RNLS: variants seen among roughly 807,000 people sequenced by gnomAD.
The protein encoded by RNLS is renalase.
RNLS carries 39 observed loss-of-function variants against 39.8 expected under a neutral mutation model. The ratio of observed to expected loss-of-function variants is 0.98; its 90% CI spans 0.76 to 1.28. The LOEUF is 1.28. Among genes scored for constraint, RNLS ranks in the 50% most tolerant of loss-of-function variants. The probability of loss-of-function intolerance (pLI) is 0.00; values close to 1 mark genes in which losing one functional copy is unlikely to be tolerated. For missense variants in RNLS, 410 were observed against 413.3 expected, an observed-to-expected ratio of 0.99 and a Z score of 0.07; for synonymous variants, 147 against 150.7, an observed-to-expected ratio of 0.98 and a Z score of 0.18.
chr10:88,419,865 C>G (rs1277926551), intron 4 of RNLS, among the ~76,000 whole-genome samples: 1 of 151,904 alleles, frequency 6.6e-6, no homozygotes, highest in Admixed American at 6.6e-5. Flanking sequence ...AAAAAATTAG[C>G]CATGCATGGT....
the RNLS span, among the ~76,000 whole-genome samples, chr10:88,215,648 CCATT>C: frequency 2.0e-5 from 3 of 151,114 alleles, no homozygotes; most frequent in African/African-American, 7.3e-5. Context: ...CACATTTAGA[CCATT>C]CATTATCTGT....
chr10:88,578,248 C>A (rs1437396819), intron 3 of RNLS, among the ~76,000 whole-genome samples: 2 of 152,020 alleles, frequency 1.3e-5, no homozygotes, highest in Non-Finnish European at 2.9e-5. Context: ...CTCATTTTTG[C>A]ATTTCATTAC....
chr10:88,179,747 C>T, the RNLS span, among the ~76,000 whole-genome samples: 871 of 152,286 alleles, frequency 5.7e-3, 9 homozygotes, highest in African/African-American at 0.019. Flanking sequence ...CTCTAAGGTG[C>T]CCCACCAGTC....
At chr10:88,509,986 T>C (rs535667199) in intron 4 of RNLS, among the ~76,000 whole-genome samples, 1 of 152,340 alleles carries the variant, frequency 6.6e-6, no homozygotes, top group South Asian at 2.1e-4. Flanking sequence ...TTTGTGGCTA[T>C]GTCCAAATGA....
intron 4 of RNLS, among the ~76,000 whole-genome samples, chr10:88,376,173 G>GCTGT (rs1238809336): frequency 2.0e-5 from 3 of 152,044 alleles, no homozygotes; most frequent in African/African-American, 7.2e-5. Flanking sequence ...CCTTTTGGGG[G>GCTGT]CTGTCTTTAG....
chr10:88,224,610 TG>T, the RNLS span, among the ~76,000 whole-genome samples: 8 of 152,214 alleles, frequency 5.3e-5, no homozygotes, highest in Admixed American at 6.5e-5. Flanking sequence ...AGTAGGTTTT[TG>T]TTCCTTATAT....
intron 4 of RNLS, among the ~76,000 whole-genome samples, chr10:88,538,937 T>C (rs1339747262): frequency 6.6e-6 from 1 of 152,188 alleles, no homozygotes; most frequent in African/African-American, 2.4e-5. Flanking sequence ...ATTTATGACT[T>C]CATTTTGTTT....
chr10:88,547,722 T>C (rs1848390446), intron 4 of RNLS, among the ~76,000 whole-genome samples: 1 of 152,148 alleles, frequency 6.6e-6, no homozygotes, highest in Non-Finnish European at 1.5e-5. Flanking sequence ...ATGGGGATCA[T>C]AGTTAATAAT....
rs1590067303 is a variant in RNLS at position 88,583,212 on chromosome 10, G to A, written c.-22C>T. The A allele has an allele frequency of 6.2e-7, 1 of 1,612,820 alleles. No individual in the cohort carries two copies. The highest frequency in any genetic ancestry group is 1.3e-5 in the African/African-American group (1 of 75,044). Reference sequence around the variant, plus strand: ...CCATGGCGAGAGGGAGCAGCGATCCGCGCTGAGTCTCTGCGGCGGGGCCGT... The same window carrying A: ...CCATGGCGAGAGGGAGCAGCGATCCACGCTGAGTCTCTGCGGCGGGGCCGT... On this transcript the variant is annotated 5_prime_UTR_variant, in exon 1 of 7. Coordinates refer to ENST00000331772, the MANE Select transcript of RNLS (RefSeq NM_001031709.3).
At chr10:88,333,671 C>T (rs1463383573) in intron 5 of RNLS, among the ~76,000 whole-genome samples, 2 of 152,140 alleles carry the variant, frequency 1.3e-5, no homozygotes, top group Non-Finnish European at 2.9e-5. Flanking sequence ...CTGCAACAAA[C>T]ACATTTATTC....
chr10:88,283,056 G>C (rs949999822), downstream of RNLS, among the ~76,000 whole-genome samples: 10 of 152,148 alleles, frequency 6.6e-5, no homozygotes, highest in Non-Finnish European at 1.5e-4. Flanking sequence ...CTTGGCCACT[G>C]TTCTACCTGG....
At chr10:88,480,315 C>A (rs1292695706) in intron 4 of RNLS, among the ~76,000 whole-genome samples, 1 of 152,170 alleles carries the variant, frequency 6.6e-6, no homozygotes, top group East Asian at 1.9e-4. Context: ...TGATAATTAC[C>A]CCTTAGGGGA....
the RNLS span, among the ~76,000 whole-genome samples, chr10:88,219,538 T>C: frequency 6.6e-6 from 1 of 152,220 alleles, no homozygotes; most frequent in Admixed American, 6.5e-5. Flanking sequence ...TACCTAATTG[T>C]ACTTCCCGGT....
the RNLS span, among the ~76,000 whole-genome samples, chr10:88,224,071 G>A: frequency 6.6e-6 from 1 of 150,636 alleles, no homozygotes; most frequent in Non-Finnish European, 1.5e-5. Context: ...GAGAAACAGA[G>A]AAAAATGGAG....
chr10:88,468,305 T>C (rs1369088240), intron 4 of RNLS, among the ~76,000 whole-genome samples: 1 of 152,174 alleles, frequency 6.6e-6, no homozygotes, highest in Non-Finnish European at 1.5e-5. Flanking sequence ...GAATCATAAC[T>C]CATTTCAGCC....
intron 4 of RNLS, among the ~76,000 whole-genome samples, chr10:88,379,036 T>C (rs1851247625): frequency 6.6e-6 from 1 of 152,184 alleles, no homozygotes; most frequent in Admixed American, 6.5e-5. Context: ...GGCAAAGCAA[T>C]AGGTTTATTT....
At chr10:88,222,364 C>T in the RNLS span, among the ~76,000 whole-genome samples, 3 of 152,140 alleles carry the variant, frequency 2.0e-5, no homozygotes, top group East Asian at 5.8e-4. Flanking sequence ...ATACAAACCT[C>T]CTGGTAGATT....
At chr10:88,405,815 G>A (rs1853227736) in intron 4 of RNLS, among the ~76,000 whole-genome samples, 1 of 151,936 alleles carries the variant, frequency 6.6e-6, no homozygotes, top group African/African-American at 2.4e-5. Context: ...TGATTTATAG[G>A]TCCTGAGTGA....
chr10:88,309,503 C>T, intron 6 of RNLS: 2 of 1,248,172 alleles, frequency 1.6e-6, no homozygotes, highest in Non-Finnish European at 2.1e-6. Context: ...GCCCTTCAGC[C>T]ATTGCACATT....
Sources: gnomAD v4.1 joint callset for allele counts (sites outside exome capture counted in the v4.1 genomes callset) on GRCh38, gnomAD v4.1.1 for gene constraint, MANE v1.5 for transcripts, NCBI Gene and HGNC (gene_info 2026-07-23, HGNC 2026-07-21) for gene names.